Variants in DOCK1 observed in about 807,000 individuals in gnomAD.
DOCK1 encodes the protein dedicator of cytokinesis protein 1.
In DOCK1, 138 loss-of-function variants were observed where a neutral mutation model predicts 262.7. The ratio of observed to expected loss-of-function variants is 0.53; its 90% CI spans 0.46 to 0.61. The LOEUF is 0.61. Among genes scored for constraint, DOCK1 ranks in the 20% least tolerant of loss-of-function variants. The pLI, the probability that DOCK1 is intolerant of heterozygous loss-of-function variation, is 0.00. For missense variants in DOCK1, 1,908 were observed against 2,370.7 expected, an observed-to-expected ratio of 0.80 and a Z score of 4.05; for synonymous variants, 866 against 867.4, an observed-to-expected ratio of 1.00 and a Z score of 0.03.
chr10:127,301,339 C>T (rs538884812), intron 29 of DOCK1, among the ~76,000 whole-genome samples: 7 of 152,288 alleles, frequency 4.6e-5, no homozygotes, highest in African/African-American at 1.7e-4. Flanking sequence ...AGGCTGCTTC[C>T]TTTGTTTGAG....
chr10:127,405,441 CTTTTTTTT>C (rs36056116), intron 40 of DOCK1, among the ~76,000 whole-genome samples: 1 of 134,160 alleles, frequency 7.5e-6, no homozygotes, highest in Non-Finnish European at 1.6e-5. Context: ...TTTCTTATGA[CTTTTTTTT>C]TTTTTTTTTG....
chr10:127,122,776 A>AGGAT (rs2049690044), intron 25 of DOCK1, among the ~76,000 whole-genome samples: 2 of 152,174 alleles, frequency 1.3e-5, no homozygotes, highest in Admixed American at 1.3e-4. Context: ...GCAGTCCTCC[A>AGGAT]GGTGGGGTGG....
chr10:127,418,291 G>T (rs1366323152), intron 44 of DOCK1, 74 bp from the exon 45 acceptor site: 2 of 1,451,796 alleles, frequency 1.4e-6, no homozygotes, highest in East Asian at 5.0e-5. Flanking sequence ...CCCAGAGCAC[G>T]TGGCTCCTCT....
chr10:127,309,820 C>T lies in DOCK1; in HGVS notation c.3045-29186C>T, dbSNP rs144181746. 2.3e-4 allele frequency among the ~76,000 whole-genome samples: 35 copies of T among 151,934 alleles called. No homozygotes were observed. In the East Asian group the frequency reaches 6.4e-3, roughly 28 times the overall value. On this transcript the variant is annotated intron_variant, in intron 29 of 51. Transcript: ENST00000623213. Reference sequence around the variant, plus strand: ...AATGTTTTTAATCAGTGAGATGACTCACAACACTAAACAATTCCCCATATA... The same window carrying T: ...AATGTTTTTAATCAGTGAGATGACTTACAACACTAAACAATTCCCCATATA...
Position 126,995,265 on chromosome 10 carries a change from G to A in DOCK1, c.474-1483G>A, listed in dbSNP as rs547303539. 1.6e-3 allele frequency among the ~76,000 whole-genome samples: 244 copies of A among 152,262 alleles called. 1 individual carries two copies. Among genetic ancestry groups the A allele is most frequent in the African/African-American group, 4.0e-3 (168 of 41,548 alleles). On this transcript the variant is annotated intron_variant, in intron 6 of 51. Coordinates refer to ENST00000623213, the MANE Select transcript of DOCK1 (RefSeq NM_001290223.2). The surrounding 1 kb of genome is among the most constrained non-coding windows in gnomAD (Gnocchi z 5.8). Reference sequence around the variant, plus strand: ...GCGGCCGGGCAGAGGCTGCAATCTCGGCACTTTGGGAGGCCAAGGCAGGTG... The same window carrying A: ...GCGGCCGGGCAGAGGCTGCAATCTCAGCACTTTGGGAGGCCAAGGCAGGTG...
At chr10:127,415,367 A>G (rs3736939) in intron 44 of DOCK1, 129 bp downstream of exon 44, 699,824 of 797,308 alleles carry the variant, frequency 0.88, 307,773 homozygotes, top group African/African-American at 0.96. Context: ...TACAGTTCCC[A>G]TAACCACCCC....
chr10:127,209,968 C>G (rs537598889), intron 27 of DOCK1, among the ~76,000 whole-genome samples: 1 of 152,110 alleles, frequency 6.6e-6, no homozygotes, highest in African/African-American at 2.4e-5. Flanking sequence ...TGGTAAGTCC[C>G]GTGGACTTGG....
At chr10:127,061,192 C>T (rs2045507847) in intron 22 of DOCK1, among the ~76,000 whole-genome samples, 1 of 152,184 alleles carries the variant, frequency 6.6e-6, no homozygotes, top group Admixed American at 6.5e-5. Context: ...CATGCCATTG[C>T]ACTCCAGCCT....
At chr10:127,359,216 G>A (rs539887341) in intron 32 of DOCK1, among the ~76,000 whole-genome samples, 10 of 152,014 alleles carry the variant, frequency 6.6e-5, no homozygotes, top group South Asian at 2.1e-4. Context: ...ACTGGTTTAC[G>A]AAGAGTCAGT....
intron 23 of DOCK1, among the ~76,000 whole-genome samples, chr10:127,062,113 AT>A (rs2045575993): frequency 6.6e-6 from 1 of 151,384 alleles, no homozygotes. Flanking sequence ...ATTTTTTTGT[AT>A]TTTTAGTAGA....
intron 1 of DOCK1, among the ~76,000 whole-genome samples, chr10:126,908,466 A>G (rs1225479867): frequency 6.6e-6 from 1 of 152,094 alleles, no homozygotes; most frequent in Non-Finnish European, 1.5e-5. Context: ...ACGAGGGGTA[A>G]GAAAATGATA....
chr10:127,391,081 C>A (rs2066450768), intron 38 of DOCK1, among the ~76,000 whole-genome samples: 1 of 152,308 alleles, frequency 6.6e-6, no homozygotes, highest in South Asian at 2.1e-4. Flanking sequence ...TTGGTATCTA[C>A]TCCTTAGACT....
intron 23 of DOCK1, among the ~76,000 whole-genome samples, chr10:127,102,105 G>C (rs144712423): frequency 1.3e-5 from 2 of 152,154 alleles, no homozygotes; most frequent in African/African-American, 4.8e-5. Flanking sequence ...AGCATGGATC[G>C]TTCTGGAGTG....
At chr10:127,023,352 T>C in intron 14 of DOCK1, 28 bp downstream of exon 14, 2 of 1,611,966 alleles carry the variant, frequency 1.2e-6, no homozygotes, top group Non-Finnish European at 1.7e-6. Flanking sequence ...GGCTCATCTG[T>C]AGTGTTTCAG....
At chr10:127,338,981 A>G (rs370655245) in intron 29 of DOCK1, 25 bp from the exon 30 acceptor site, 25 of 1,554,576 alleles carry the variant, frequency 1.6e-5, no homozygotes, top group Non-Finnish European at 1.8e-5. Flanking sequence ...GTGTGTAATT[A>G]TGTAATTTTC....
intron 1 of DOCK1, among the ~76,000 whole-genome samples, chr10:126,922,132 C>T (rs1220790246): frequency 6.7e-6 from 1 of 149,950 alleles, no homozygotes; most frequent in East Asian, 2.0e-4. Flanking sequence ...GGATTATGTC[C>T]CTGGAGCCCA....
At chr10:127,003,547 G>A (rs1043772686) in intron 10 of DOCK1, among the ~76,000 whole-genome samples, 23 of 152,164 alleles carry the variant, frequency 1.5e-4, no homozygotes, top group Admixed American at 1.3e-3. Context: ...TGCCCTGGGT[G>A]GGGATGTCCT....
At chr10:127,097,599 C>T (rs1460588395) in intron 23 of DOCK1, among the ~76,000 whole-genome samples, 1 of 152,104 alleles carries the variant, frequency 6.6e-6, no homozygotes, top group Admixed American at 6.5e-5. Context: ...GTTGATTGGT[C>T]CGAGGACTAA....
intron 19 of DOCK1, among the ~76,000 whole-genome samples, chr10:127,041,861 G>A (rs763298207): frequency 1.3e-5 from 2 of 152,086 alleles, no homozygotes; most frequent in Admixed American, 6.6e-5. Flanking sequence ...GTTGTGTGGC[G>A]TTCTGCCTCT....
Sources: gnomAD v4.1 joint callset for allele counts (sites outside exome capture counted in the v4.1 genomes callset) on GRCh38, gnomAD v4.1.1 for gene constraint, Gnocchi (gnomAD v3.1) non-coding constraint, MANE v1.5 for transcripts, NCBI Gene and HGNC (gene_info 2026-07-23, HGNC 2026-07-21) for gene names.